Variants in KATNAL2 observed in about 807,000 individuals in gnomAD.
KATNAL2 encodes the protein katanin catalytic subunit A1 like 2.
A neutral mutation model predicts 76.3 loss-of-function variants in KATNAL2; 52 were observed. The ratio of observed to expected loss-of-function variants is 0.68; its 90% CI spans 0.55 to 0.86. The LOEUF (loss-of-function observed/expected upper bound fraction) is 0.86, where lower values mean the gene tolerates loss of function less well. Among genes scored for constraint, KATNAL2 ranks in the 40% least tolerant of loss-of-function variants. KATNAL2 has a pLI of 0.00. For synonymous variants in KATNAL2, 243 were observed against 244.2 expected (o/e 1.00, Z 0.05); for missense variants, 660 against 668.9 (o/e 0.99, Z 0.15).
intron 15 of KATNAL2, among the ~76,000 whole-genome samples, chr18:47,086,831 G>T (rs1358942569): frequency 6.6e-6 from 1 of 152,184 alleles, no homozygotes; most frequent in Non-Finnish European, 1.5e-5. Context: ...CTAGCAGGAG[G>T]TTACTAAGCA....
At chr18:47,031,416 T>A (rs138667625) in intron 3 of KATNAL2, among the ~76,000 whole-genome samples, 1 of 152,134 alleles carries the variant, frequency 6.6e-6, no homozygotes, top group South Asian at 2.1e-4. Context: ...TGTGTCTCTC[T>A]GTCTTTCTTT....
chr18:46,950,829 C>T (rs572259228), intron 3 of KATNAL2, among the ~76,000 whole-genome samples: 2 of 152,182 alleles, frequency 1.3e-5, no homozygotes, highest in South Asian at 2.1e-4. Context: ...GGGCTACAGG[C>T]GCCCACCACC....
chr18:46,924,750 C>A (rs886484962), intron 1 of KATNAL2, among the ~76,000 whole-genome samples: 2 of 152,142 alleles, frequency 1.3e-5, no homozygotes, highest in African/African-American at 4.8e-5. Flanking sequence ...TCTTGTATTT[C>A]GTTGAGCAGT....
intron 3 of KATNAL2, 46 bp downstream of exon 3, chr18:46,946,969 C>T: frequency 8.1e-7 from 1 of 1,237,226 alleles, no homozygotes; most frequent in Non-Finnish European, 1.1e-6. Flanking sequence ...GAACCCCTCT[C>T]CTACTGTTGC....
At chr18:47,032,722 C>G in intron 3 of KATNAL2, 1 of 536,198 alleles carries the variant, frequency 1.9e-6, no homozygotes, top group Non-Finnish European at 3.3e-6. Context: ...ATGATTACAA[C>G]TAGGGTGTTT....
chr18:47,046,307 T>C, intron 3 of KATNAL2, 150 bp from the exon 4 acceptor site: 1 of 595,362 alleles, frequency 1.7e-6, no homozygotes, highest in Non-Finnish European at 3.0e-6. Flanking sequence ...GGAAAACAAC[T>C]TTATATGTCC....
rs200404665 is a variant in KATNAL2, at chr18:47,080,994, CCCT to C, written c.1211+3537_1211+3539del. Among the ~76,000 whole-genome samples the C allele has an allele frequency of 9.7e-3, 1,455 of 150,572 alleles. 18 individuals are homozygous for C. The highest frequency in any genetic ancestry group is 0.028 in the African/African-American group (1,144 of 40,996). On this transcript the variant is annotated intron_variant, in intron 15 of 17. Coordinates refer to ENST00000683218, the MANE Select transcript of KATNAL2 (RefSeq NM_001387690.1). Reference sequence around the variant, plus strand: ...TGTAGCCCTTCCTTCCTTCCTCCCTCCCTCCTTCCTTCCCTCCTTCCCTCCTCC... The same window carrying C: ...TGTAGCCCTTCCTTCCTTCCTCCCTCCCTTCCTTCCCTCCTTCCCTCCTCC...
intron 3 of KATNAL2, among the ~76,000 whole-genome samples, chr18:46,961,869 G>A (rs189611846): frequency 6.6e-6 from 1 of 152,250 alleles, no homozygotes; most frequent in Admixed American, 6.5e-5. Context: ...TTTTAGGAGG[G>A]CCTGCAACCG....
At chr18:47,066,848 TATATATATATATATATATATATATA>T (rs1307692810) in intron 10 of KATNAL2, among the ~76,000 whole-genome samples, 148 bp from the exon 11 acceptor site, 1 of 14,880 alleles carries the variant, frequency 6.7e-5, no homozygotes, top group African/African-American at 1.8e-4. Flanking sequence ...TATATGTGTT[TATATATATATATATATATATATATA>T]TATATATATA....
intron 3 of KATNAL2, among the ~76,000 whole-genome samples, chr18:46,950,634 C>T (rs1157407369): frequency 6.6e-6 from 1 of 152,172 alleles, no homozygotes; most frequent in Non-Finnish European, 1.5e-5. Flanking sequence ...TACTGCTCCC[C>T]AGAAGCAACT....
chr18:46,954,559 G>A (rs2059667551), intron 3 of KATNAL2, among the ~76,000 whole-genome samples: 1 of 151,722 alleles, frequency 6.6e-6, no homozygotes, highest in African/African-American at 2.4e-5. Flanking sequence ...TTGATTTCTT[G>A]ACCTCGTGAT....
chr18:47,064,138 G>T (rs1285816567), intron 10 of KATNAL2, among the ~76,000 whole-genome samples: 1 of 152,068 alleles, frequency 6.6e-6, no homozygotes, highest in Non-Finnish European at 1.5e-5. Context: ...TTGTGTGTCA[G>T]GTGTGTGCTG....
chr18:46,944,304 A>G (rs1362674192), intron 1 of KATNAL2, among the ~76,000 whole-genome samples: 1 of 152,258 alleles, frequency 6.6e-6, no homozygotes, highest in East Asian at 1.9e-4. Context: ...GATTCAACCA[A>G]CAAAGAATTG....
intron 3 of KATNAL2, among the ~76,000 whole-genome samples, chr18:47,032,021 A>T (rs767658551): frequency 2.6e-5 from 4 of 152,202 alleles, no homozygotes; most frequent in Non-Finnish European, 4.4e-5. Context: ...AACTCAAGGT[A>T]GTTAACCCGG....
At chr18:46,956,141 T>G (rs1189820695) in intron 3 of KATNAL2, among the ~76,000 whole-genome samples, 4 of 152,242 alleles carry the variant, frequency 2.6e-5, no homozygotes, top group African/African-American at 7.2e-5. Context: ...GTTATTTCTT[T>G]GGATATTGTA....
intron 3 of KATNAL2, chr18:47,035,381 C>T: frequency 6.5e-7 from 1 of 1,545,272 alleles, no homozygotes; most frequent in South Asian, 1.2e-5. Flanking sequence ...GCAGCGACCT[C>T]GGGATGTGGA....
rs1048470803 is a variant in KATNAL2 at position 47,033,233 on chromosome 18, G to T, written c.52-13224G>T. ...GAGGGAGTGTGGCTGCTTCCCGCGG[G>T]CTTGGAGGCTGGCTTGATCTCCCCA... On this transcript the variant is annotated intron_variant, in intron 3 of 17. Transcript: ENST00000683218. 2.5e-6 allele frequency: 4 copies of T among 1,613,744 alleles called. No homozygotes were observed. The African/African-American group carries it at 4.0e-5, about 16-fold the overall frequency.
At chr18:47,098,324 TG>T (rs1343465189) in intron 15 of KATNAL2, 2 of 283,464 alleles carry the variant, frequency 7.1e-6, no homozygotes, top group Non-Finnish European at 1.4e-5. Flanking sequence ...TTCACATGGA[TG>T]GGGAGCCTCA....
chr18:46,945,691 T>C (rs2059366908), intron 1 of KATNAL2, among the ~76,000 whole-genome samples: 1 of 152,270 alleles, frequency 6.6e-6, no homozygotes, highest in African/African-American at 2.4e-5. Context: ...GGGGCATTAA[T>C]AACTTCTCCA....
Sources: gnomAD v4.1 joint callset for allele counts (sites outside exome capture counted in the v4.1 genomes callset) on GRCh38, gnomAD v4.1.1 for gene constraint, MANE v1.5 for transcripts, NCBI Gene and HGNC (gene_info 2026-07-23, HGNC 2026-07-21) for gene names.